The following SOBP variants were observed in gnomAD, a reference collection of about 807,000 sequenced individuals.
The protein encoded by SOBP is sine oculis-binding protein homolog.
SOBP carries 4 observed loss-of-function variants against 53.6 expected under a neutral mutation model. The observed-to-expected ratio is 0.07, with a 90% CI of 0.04 to 0.17. The LOEUF (loss-of-function observed/expected upper bound fraction) is 0.17. Among genes scored for constraint, SOBP ranks in the 10% least tolerant of loss-of-function variants. The pLI is 1.00. For synonymous variants in SOBP, 584 were observed against 522.6 expected (o/e 1.12, Z -1.60); for missense variants, 1,088 against 1,204.7 (o/e 0.90, Z 1.43).
intron 3 of SOBP, among the ~76,000 whole-genome samples, chr6:107,522,342 G>A (rs973682156): frequency 1.3e-5 from 2 of 152,040 alleles, no homozygotes; most frequent in African/African-American, 4.8e-5. Flanking sequence ...TTTTCTAGAT[G>A]CAGAATGGAG....
intron 5 of SOBP, among the ~76,000 whole-genome samples, chr6:107,606,562 A>G (rs1330614325): frequency 6.6e-6 from 1 of 152,184 alleles, no homozygotes; most frequent in East Asian, 1.9e-4. Context: ...TTAGGGCTCC[A>G]GCTGTGGGGG....
At chr6:107,625,047 A>G (rs574174149) in intron 5 of SOBP, among the ~76,000 whole-genome samples, 2 of 152,330 alleles carry the variant, frequency 1.3e-5, no homozygotes, top group South Asian at 4.2e-4. Flanking sequence ...TGAGCAAGTT[A>G]TTTAACCTAT....
intron 4 of SOBP, among the ~76,000 whole-genome samples, chr6:107,571,930 T>A (rs997588390): frequency 1.3e-5 from 2 of 152,208 alleles, no homozygotes; most frequent in Non-Finnish European, 2.9e-5. Context: ...AGCAGCTTCC[T>A]GTGACAAGGC....
chr6:107,532,818 C>G (rs1554291879), intron 3 of SOBP, among the ~76,000 whole-genome samples: 1 of 152,190 alleles, frequency 6.6e-6, no homozygotes, highest in Non-Finnish European at 1.5e-5. Flanking sequence ...GACACCAGTG[C>G]CGGAAGGCTG....
chr6:107,602,920 A>G (rs966974644), intron 5 of SOBP, among the ~76,000 whole-genome samples: 7 of 151,992 alleles, frequency 4.6e-5, no homozygotes, highest in Non-Finnish European at 1.0e-4. Flanking sequence ...GCTTCTTCAC[A>G]ATATTCTTCT....
intron 3 of SOBP, among the ~76,000 whole-genome samples, chr6:107,521,571 A>G (rs970708266): frequency 6.6e-6 from 1 of 152,202 alleles, no homozygotes; most frequent in African/African-American, 2.4e-5. Flanking sequence ...ACCTAAGCCC[A>G]TCTAAGGAAT....
chr6:107,639,991 G>A (rs1771238194), intron 6 of SOBP, among the ~76,000 whole-genome samples: 1 of 152,168 alleles, frequency 6.6e-6, no homozygotes, highest in South Asian at 2.1e-4. Context: ...AGGCTCAGCA[G>A]GGGGGACTTG....
chr6:107,490,719 T>G lies in SOBP; in HGVS notation c.96+7T>G. The G allele has an allele frequency of 6.3e-7, 1 of 1,576,322 alleles. No individual in the cohort carries two copies. Among genetic ancestry groups the G allele is most frequent in the Non-Finnish European group, 8.7e-7 (1 of 1,154,688 alleles). ...GATCAATGAGGAGATGAAGGTATTT[T>G]TTGATCTCGGGGGCCAGGGAGACTG... On this transcript the variant is annotated splice_region_variant and intron_variant, in intron 1 of 6. Coordinates refer to ENST00000317357, the MANE Select transcript of SOBP (RefSeq NM_018013.4).
rs566117989 is a variant in SOBP, at chr6:107,647,652, C to T, written c.*4-10555C>T. Among the ~76,000 whole-genome samples, 11 of 152,080 alleles carry T rather than the reference C, an allele frequency of 7.2e-5. No homozygotes were observed. The South Asian group carries it at 1.0e-3, about 14-fold the overall frequency. On this transcript the variant is annotated intron_variant, in intron 6 of 6. Coordinates refer to ENST00000317357, the MANE Select transcript of SOBP (RefSeq NM_018013.4). ...AATCTCTGGTTCCACTTTTACAAGTCGAGACTGCAACAAAGAGAGCGAGTG... is the reference window on the plus strand; with the variant it reads ...AATCTCTGGTTCCACTTTTACAAGTTGAGACTGCAACAAAGAGAGCGAGTG...
At position 107,490,539 on chromosome 6, in the gene SOBP, A is replaced by ACCG. The variant is rs566914812; in HGVS notation, c.-63_-61dup. 3,044 of 1,046,702 alleles carry ACCG rather than the reference A, an allele frequency of 2.9e-3. 107 individuals carry two copies. The East Asian group carries it at 0.078, about 27-fold the overall frequency. The allele number at this position is 1,046,702 out of a possible 1,614,324, so 64.8% of individuals were successfully genotyped here. On this transcript the variant is annotated 5_prime_UTR_variant, in exon 1 of 7. Transcript: ENST00000317357. ...CCTCGCCACCATCAGCACCACCTCC[A>ACCG]CCGCCGCCGCCGCCGCCACCACCAC...
intron 6 of SOBP, among the ~76,000 whole-genome samples, chr6:107,639,414 G>T (rs1410833566): frequency 1.3e-5 from 2 of 152,068 alleles, no homozygotes; most frequent in Admixed American, 1.3e-4. Context: ...GATTACAAAT[G>T]ATTTCAGTGG....
chr6:107,529,935 AT>A (rs1156711603), intron 3 of SOBP, among the ~76,000 whole-genome samples: 1 of 152,184 alleles, frequency 6.6e-6, no homozygotes, highest in Non-Finnish European at 1.5e-5. Context: ...AAATATGCTT[AT>A]TTTGACTGAT....
At chr6:107,615,638 A>G (rs1380011284) in intron 5 of SOBP, among the ~76,000 whole-genome samples, 1 of 152,132 alleles carries the variant, frequency 6.6e-6, no homozygotes, top group East Asian at 1.9e-4. Flanking sequence ...GTGTTCCCCA[A>G]GGGAAAAATC....
intron 4 of SOBP, among the ~76,000 whole-genome samples, chr6:107,542,075 T>G (rs1784164090): frequency 6.6e-6 from 1 of 152,072 alleles, no homozygotes; most frequent in Non-Finnish European, 1.5e-5. Flanking sequence ...GGACTTACAC[T>G]CTAGCGGGGG....
intron 5 of SOBP, among the ~76,000 whole-genome samples, chr6:107,592,986 G>A (rs758719498): frequency 2.6e-5 from 4 of 152,198 alleles, no homozygotes; most frequent in Non-Finnish European, 4.4e-5. Context: ...AGGCAGAAGG[G>A]ATGGATTCCA....
chr6:107,613,971 C>CTCAGCTCTAGCAATCTCTGAGGTGCAGGT (rs1786691068), intron 5 of SOBP, among the ~76,000 whole-genome samples: 6 of 152,220 alleles, frequency 3.9e-5, no homozygotes, highest in African/African-American at 1.4e-4. Context: ...AATCTGCAAG[C>CTCAGCTCTAGCAATCTCTGAGGTGCAGGT]TCAGCTCTAG....
At chr6:107,534,934 C>T (rs2114989974) in intron 4 of SOBP, among the ~76,000 whole-genome samples, 1 of 152,280 alleles carries the variant, frequency 6.6e-6, no homozygotes, top group South Asian at 2.1e-4. Flanking sequence ...CCCCGGGGCT[C>T]CCGTTTTGAA....
At chr6:107,505,341 G>A (rs1291693298) in intron 2 of SOBP, among the ~76,000 whole-genome samples, 1 of 148,698 alleles carries the variant, frequency 6.7e-6, no homozygotes, top group African/African-American at 2.5e-5. Context: ...TTTTTTTTCT[G>A]AGACAGAGTC....
At chr6:107,609,911 C>G (rs952163012) in intron 5 of SOBP, among the ~76,000 whole-genome samples, 1 of 152,142 alleles carries the variant, frequency 6.6e-6, no homozygotes, top group Admixed American at 6.5e-5. Flanking sequence ...TTCACCCATT[C>G]CTGACTGAGG....
Sources: gnomAD v4.1 joint callset for allele counts (sites outside exome capture counted in the v4.1 genomes callset) on GRCh38, gnomAD v4.1.1 for gene constraint, MANE v1.5 for transcripts, NCBI Gene and HGNC (gene_info 2026-07-23, HGNC 2026-07-21) for gene names.